ATG3: variants seen among roughly 807,000 people sequenced by gnomAD.
ATG3 encodes autophagy related 3.
Under a neutral mutation model 50.7 loss-of-function variants are expected in ATG3, and 25 were observed. The observed-to-expected ratio is 0.49, with a 90% CI of 0.36 to 0.69. The LOEUF is 0.69. ATG3 is among the 30% of genes least tolerant of loss of function. The probability of loss-of-function intolerance (pLI) is 0.00; values close to 1 mark genes in which losing one functional copy is unlikely to be tolerated. For missense variants in ATG3, 281 were observed against 376.0 expected (o/e 0.75, Z 2.09); for synonymous variants, 119 against 125.5 (o/e 0.95, Z 0.34).
At chr3:112,536,335 TAA>T in intron 10 of ATG3, 138 bp downstream of exon 10, 2 of 965,724 alleles carry the variant, frequency 2.1e-6, no homozygotes, top group Non-Finnish European at 3.0e-6. Context: ...AGAAAATTTC[TAA>T]GGAGGACAAG....
chr3:112,550,803 T>C (rs534932625), intron 3 of ATG3, among the ~76,000 whole-genome samples: 1 of 152,330 alleles, frequency 6.6e-6, no homozygotes, highest in East Asian at 1.9e-4. Flanking sequence ...TAATAATTCT[T>C]GAAAACAAAA....
chr3:112,536,687 T>G lies in ATG3; in HGVS notation c.667-85A>C, dbSNP rs866150421. Reference sequence around the variant, plus strand: ...CTGTAATCCCAGCACTGTGGGAGACTGAGGTGGGCGGATCACATGGTCAGG... The same window carrying G: ...CTGTAATCCCAGCACTGTGGGAGACGGAGGTGGGCGGATCACATGGTCAGG... On this transcript the variant is annotated intron_variant, in intron 9 of 11. Coordinates refer to ENST00000283290, the MANE Select transcript of ATG3 (RefSeq NM_022488.5). 112 of 1,435,752 alleles carry G rather than the reference T, an allele frequency of 7.8e-5. 1 individual carries two copies. The African/African-American group carries it at 1.4e-3, about 18-fold the overall frequency. 88.9% of individuals were successfully genotyped at this position (1,435,752 alleles called of 1,614,324 possible). A position where few individuals can be genotyped will look rare whatever the true frequency, so the allele number is the denominator to read the frequency against.
At chr3:112,533,683 G>T (rs2082571888) in intron 11 of ATG3, 1 of 985,210 alleles carries the variant, frequency 1.0e-6, no homozygotes, top group Admixed American at 6.2e-5. Context: ...TATGCTATGA[G>T]TACATGTACT....
chr3:112,540,184 T>C (rs1028568369), intron 7 of ATG3, among the ~76,000 whole-genome samples: 3 of 152,242 alleles, frequency 2.0e-5, no homozygotes, highest in Non-Finnish European at 2.9e-5. Flanking sequence ...CAGTTTACCA[T>C]GAAAATAAGG....
chr3:112,532,943 T>C (rs1158085488), intron 11 of ATG3, 163 bp from the exon 12 acceptor site: 1 of 1,294,290 alleles, frequency 7.7e-7, no homozygotes, highest in Admixed American at 3.9e-5. Context: ...TTGTGTCTAT[T>C]TAACATGAGG....
At chr3:112,533,503 C>T (rs2082570743) in intron 11 of ATG3, 2 of 985,156 alleles carry the variant, frequency 2.0e-6, no homozygotes, top group Admixed American at 6.2e-5. Context: ...CTTAGGGACA[C>T]ACTTTATTAG....
chr3:112,544,283 C>T (rs984609312), intron 5 of ATG3, among the ~76,000 whole-genome samples, 177 bp from the exon 6 acceptor site: 5 of 152,154 alleles, frequency 3.3e-5, no homozygotes, highest in African/African-American at 1.2e-4. Context: ...GGCACCTCCT[C>T]AAATTTTGAA....
intron 11 of ATG3, chr3:112,533,649 G>T: frequency 1.0e-6 from 1 of 985,256 alleles, no homozygotes; most frequent in Non-Finnish European, 1.2e-6. Flanking sequence ...GTAAATCATT[G>T]ATTTTGACTG....
rs1175353426 is a variant in ATG3, at chr3:112,557,742, T to C, written c.114+634A>G. The stretch of plus-strand genomic sequence containing the variant: ...GACCTTAACAGCAGCAGCCTTATCA[T>C]AAAATAAGGCTTAAAACGTTTGTTT... On this transcript the variant is annotated intron_variant, in intron 2 of 11. Transcript: ENST00000283290. 5.3e-5 allele frequency among the ~76,000 whole-genome samples: 8 copies of C among 152,190 alleles called. No individual in the cohort carries two copies. In the East Asian group the frequency reaches 1.5e-3, roughly 29 times the overall value.
chr3:112,558,842 T>G (rs956169233), intron 1 of ATG3, among the ~76,000 whole-genome samples: 1 of 152,102 alleles, frequency 6.6e-6, no homozygotes, highest in Non-Finnish European at 1.5e-5. Flanking sequence ...GTTCAAGCGA[T>G]TCTCCTGCCT....
chr3:112,558,235 A>G (rs1212811945), intron 2 of ATG3, 141 bp downstream of exon 2: 1 of 611,630 alleles, frequency 1.6e-6, no homozygotes, highest in East Asian at 2.8e-5. Context: ...GGAAGTAGAA[A>G]TTCCCATAAA....
chr3:112,561,832 G>C lies in ATG3; in HGVS notation c.-304C>G, dbSNP rs1933902550. 2.6e-6 allele frequency: 1 copy of C among 389,992 alleles called. No homozygotes were observed. Among genetic ancestry groups the C allele is most frequent in the Non-Finnish European group, 4.6e-6 (1 of 215,988 alleles). The allele number at this position is 389,992 out of a possible 1,614,324, so 24.2% of individuals were successfully genotyped here. A position where few individuals can be genotyped will look rare whatever the true frequency, so the allele number is the denominator to read the frequency against. On this transcript the variant is annotated 5_prime_UTR_variant, in exon 1 of 12. Transcript: ENST00000283290. ...CGAAGGGAGACCTGAGGTGAGAAGC[G>C]GACGCACACGCACCCCTCGCCCTCT...
At chr3:112,554,617 G>A (rs972662330) in intron 2 of ATG3, among the ~76,000 whole-genome samples, 4 of 152,184 alleles carry the variant, frequency 2.6e-5, no homozygotes, top group African/African-American at 4.8e-5. Context: ...ACACATGGAC[G>A]CATGTGACAC....
chr3:112,538,411 C>T, intron 7 of ATG3: 1 of 447,948 alleles, frequency 2.2e-6, no homozygotes, highest in Non-Finnish European at 4.0e-6. Flanking sequence ...GTAGAGTCCT[C>T]AGTGGCTCCA....
At chr3:112,532,905 G>A in intron 11 of ATG3, 125 bp from the exon 12 acceptor site, 1 of 1,308,070 alleles carries the variant, frequency 7.6e-7, no homozygotes, top group Non-Finnish European at 9.7e-7. Context: ...CTTAAATTAA[G>A]TCTATTAAAG....
At chr3:112,539,076 T>C (rs553288587) in intron 7 of ATG3, among the ~76,000 whole-genome samples, 2 of 152,292 alleles carry the variant, frequency 1.3e-5, no homozygotes, top group East Asian at 1.9e-4. Context: ...AGCATTCTAC[T>C]GTTTCTCATC....
Position 112,532,616 on chromosome 3 carries a change from T to C in ATG3, c.*83A>G. On this transcript the variant is annotated 3_prime_UTR_variant, in exon 12 of 12. Transcript: ENST00000283290. ...TTATTAGAGAAACTGTATATATTGA[T>C]GAATATGGTCAATGGTCACATCTAT... 4 of 1,036,068 alleles carry C rather than the reference T, an allele frequency of 3.9e-6. No homozygotes were observed. The highest frequency in any genetic ancestry group is 4.0e-6 in the Non-Finnish European group (3 of 747,346). 64.2% of individuals were successfully genotyped at this position (1,036,068 alleles called of 1,614,324 possible). A position where few individuals can be genotyped will look rare whatever the true frequency, so the allele number is the denominator to read the frequency against.
intron 3 of ATG3, among the ~76,000 whole-genome samples, chr3:112,552,241 G>T (rs1242236807): frequency 6.6e-6 from 1 of 152,058 alleles, no homozygotes. Flanking sequence ...TTAAATAAAA[G>T]TTCTGCCAAT....
At position 112,547,119 on chromosome 3, in the gene ATG3, T is replaced by C. The variant is rs1259917229; in HGVS notation, c.343+1414A>G. 3.3e-5 allele frequency among the ~76,000 whole-genome samples: 5 copies of C among 152,114 alleles called. No homozygotes were observed. In the East Asian group the frequency reaches 7.7e-4, roughly 23 times the overall value. On this transcript the variant is annotated intron_variant, in intron 5 of 11. Transcript: ENST00000283290. ...AGTCTCAACTGAAGGCAGCAATTTT[T>C]CCCCCAACAGAACATTCAGCAATTT...
Sources: gnomAD v4.1 joint callset for allele counts (sites outside exome capture counted in the v4.1 genomes callset) on GRCh38, gnomAD v4.1.1 for gene constraint, MANE v1.5 for transcripts, NCBI Gene and HGNC (gene_info 2026-07-23, HGNC 2026-07-21) for gene names.